The following FBN2 variants were observed in gnomAD, a reference collection of about 807,000 sequenced individuals.
FBN2 encodes fibrillin 2.
FBN2 carries 105 observed loss-of-function variants against 355.6 expected under a neutral mutation model. That is an observed-to-expected ratio of 0.30 (90% CI 0.25 to 0.35). FBN2 has a LOEUF of 0.35. Among genes scored for constraint, FBN2 ranks in the 10% least tolerant of loss-of-function variants. The pLI is 1.00. For synonymous variants in FBN2, 1,350 were observed against 1,301.2 expected (o/e 1.04, Z -0.81); for missense variants, 3,280 against 3,758.7 (o/e 0.87, Z 3.33).
At chr5:128,345,684 C>T in intron 23 of FBN2, 100 bp from the exon 24 acceptor site, 1 of 1,078,068 alleles carries the variant, frequency 9.3e-7, no homozygotes, top group Non-Finnish European at 1.4e-6. Context: ...ATGCAGGACC[C>T]TTGCGGTGTA....
chr5:128,471,004 T>C (rs2127093188), intron 5 of FBN2, among the ~76,000 whole-genome samples: 1 of 152,140 alleles, frequency 6.6e-6, no homozygotes, highest in South Asian at 2.1e-4. Context: ...AATTACCTGA[T>C]CTTGGAAAGT....
chr5:128,504,242 A>G (rs1416016766), intron 5 of FBN2, among the ~76,000 whole-genome samples: 1 of 152,200 alleles, frequency 6.6e-6, no homozygotes, highest in African/African-American at 2.4e-5. Context: ...CTGCTAGGGC[A>G]GTGTGGAAGG....
intron 22 of FBN2, 26 bp downstream of exon 22, chr5:128,349,929 T>C (rs776074816): frequency 6.4e-7 from 1 of 1,570,380 alleles, no homozygotes; most frequent in Non-Finnish European, 8.8e-7. Context: ...AGATGTATAG[T>C]ATCTTCCAAG....
At chr5:128,278,604 A>G in intron 57 of FBN2, 31 bp downstream of exon 57, 1 of 1,582,748 alleles carries the variant, frequency 6.3e-7, no homozygotes, top group Non-Finnish European at 8.7e-7. Flanking sequence ...TAATGTGTTG[A>G]TTATATGAAT....
chr5:128,300,756 T>C, intron 48 of FBN2, 61 bp downstream of exon 48: 1 of 1,570,244 alleles, frequency 6.4e-7, no homozygotes, highest in Non-Finnish European at 8.8e-7. Context: ...GTTTCCAGAG[T>C]CTTTACCATG....
intron 5 of FBN2, among the ~76,000 whole-genome samples, chr5:128,501,572 A>G (rs1194419026): frequency 1.3e-5 from 2 of 152,220 alleles, no homozygotes; most frequent in Non-Finnish European, 2.9e-5. Flanking sequence ...ATTGTAGGAA[A>G]AAATAATGAG....
intron 6 of FBN2, among the ~76,000 whole-genome samples, chr5:128,460,495 GA>G (rs960232395): frequency 2.7e-5 from 4 of 149,962 alleles, no homozygotes; most frequent in Non-Finnish European, 4.5e-5. Flanking sequence ...CACAGAATTA[GA>G]AAAAAAAACA....
chr5:128,270,528 T>C (rs2126802427), intron 62 of FBN2, among the ~76,000 whole-genome samples: 1 of 152,050 alleles, frequency 6.6e-6, no homozygotes, highest in Admixed American at 6.6e-5. Flanking sequence ...GAGTCCGTCC[T>C]AAAAAAATAA....
chr5:128,412,054 T>C (rs1029061687), intron 7 of FBN2, among the ~76,000 whole-genome samples: 1 of 152,214 alleles, frequency 6.6e-6, no homozygotes, highest in Non-Finnish European at 1.5e-5. Context: ...ATTGGTTTCA[T>C]CCATGTTCTG....
chr5:128,386,722 A>T (rs1752375486), intron 11 of FBN2, among the ~76,000 whole-genome samples: 1 of 151,972 alleles, frequency 6.6e-6, no homozygotes, highest in Non-Finnish European at 1.5e-5. Flanking sequence ...TCAGAGATAA[A>T]ATCTCTAATA....
intron 31 of FBN2, among the ~76,000 whole-genome samples, chr5:128,333,521 T>C (rs1396930941): frequency 6.6e-6 from 1 of 152,174 alleles, no homozygotes; most frequent in East Asian, 1.9e-4. Context: ...TGATCATTTG[T>C]CATTTAAAAA....
chr5:128,401,387 C>T lies in FBN2; in HGVS notation c.1079-6113G>A, dbSNP rs538888923. Among the ~76,000 whole-genome samples, 5 of 152,126 alleles carry T rather than the reference C, an allele frequency of 3.3e-5. No individual in the cohort carries two copies. In the East Asian group the frequency reaches 9.7e-4, roughly 29 times the overall value. ...TCATTTATCATTATTACTAAATATC[C>T]AAGAACATTTTCATTATGTATGCTC... On this transcript the variant is annotated intron_variant, in intron 8 of 64. Transcript: ENST00000262464.
At position 128,303,031 on chromosome 5, in the gene FBN2, T is replaced by A; in HGVS notation, c.5859A>T (p.Gly1953=). Residue 1953 remains glycine (G), a synonymous_variant, in exon 46 of 65, where the codon GGA becomes GGT. Transcript: ENST00000262464. ...CGNGTCKNTV[G]SYNCLCYPGF... ...CTGGGTAGCACAGACAGTTATAGGA[T>A]CCAACGGTGTTTTTACAAGTTCCAT... 1.9e-6 allele frequency: 3 copies of A among 1,613,152 alleles called. No homozygotes were observed. Among genetic ancestry groups the A allele is most frequent in the Non-Finnish European group, 2.5e-6 (3 of 1,179,196 alleles).
intron 11 of FBN2, among the ~76,000 whole-genome samples, chr5:128,380,279 C>T (rs1012045954): frequency 7.9e-5 from 12 of 152,116 alleles, no homozygotes; most frequent in Admixed American, 3.3e-4. Context: ...ACCTTCAGTT[C>T]GCAGTGTTGA....
intron 36 of FBN2, among the ~76,000 whole-genome samples, chr5:128,313,879 T>G (rs1001603680): frequency 1.8e-4 from 22 of 124,712 alleles, no homozygotes; most frequent in Non-Finnish European, 3.1e-4. Context: ...AAAAAAAACA[T>G]ATCTGGAATC....
chr5:128,311,876 T>A lies in FBN2; in HGVS notation c.4948+9A>T. The stretch of plus-strand genomic sequence containing the variant: ...TGTTTGAATCTGGGTGACAATGGGA[T>A]TAGCTCACCTTCTAAAATGATTGTG... On this transcript the variant is annotated intron_variant, in intron 38 of 64. Transcript: ENST00000262464. The A allele has an allele frequency of 6.3e-7, 1 of 1,595,622 alleles. No individual in the cohort carries two copies. Among genetic ancestry groups the A allele is most frequent in the Non-Finnish European group, 8.6e-7 (1 of 1,163,336 alleles).
At chr5:128,532,514 G>A (rs1756735934) in intron 2 of FBN2, among the ~76,000 whole-genome samples, 1 of 152,130 alleles carries the variant, frequency 6.6e-6, no homozygotes, top group South Asian at 2.1e-4. Context: ...TCGGCACAAG[G>A]GCTGTGTACT....
At chr5:128,375,336 T>C (rs905892056) in intron 14 of FBN2, among the ~76,000 whole-genome samples, 34 of 152,300 alleles carry the variant, frequency 2.2e-4, no homozygotes, top group African/African-American at 7.9e-4. Context: ...AAGCAGAAAC[T>C]GGTGAGGTCG....
At position 128,261,905 on chromosome 5, in the gene FBN2, T is replaced by C; in HGVS notation, c.8195A>G (p.His2732Arg). Reference protein sequence around the residue: ...PPGYYRVGQGHCVSGMGFNKG... With the variant: ...PPGYYRVGQGRCVSGMGFNKG... ...GTTAAATCCCATTCCTGAGACACAG[T>C]GGCTATTTGCAAAAAGCAAAGTATT... Residue 2732 changes from histidine (H) to arginine (R), a missense_variant and splice_region_variant, in exon 64 of 65, where the codon CAC (histidine) becomes CGC (arginine). By Grantham distance (29) the His-to-Arg change is conservative. Around this residue, in one of 6 missense-constraint regions of FBN2, gnomAD observed 311 missense variants for 319.1 expected, o/e 0.97. Coordinates refer to ENST00000262464, the MANE Select transcript of FBN2 (RefSeq NM_001999.4). 6.2e-7 allele frequency: 1 copy of C among 1,613,946 alleles called. No homozygotes were observed. Among genetic ancestry groups the C allele is most frequent in the Non-Finnish European group, 8.5e-7 (1 of 1,179,796 alleles).
Sources: gnomAD v4.1 joint callset for allele counts (sites outside exome capture counted in the v4.1 genomes callset) on GRCh38, gnomAD v4.1.1 for gene constraint, gnomAD v4.1.1 regional missense constraint, MANE v1.5 for transcripts, NCBI Gene and HGNC (gene_info 2026-07-23, HGNC 2026-07-21) for gene names.